Variants in CHD6 observed in about 807,000 individuals in gnomAD.
CHD6 encodes ATP-dependent chromatin remodeler CHD6.
CHD6 carries 50 observed loss-of-function variants against 276.9 expected under a neutral mutation model. The ratio of observed to expected loss-of-function variants is 0.18; its 90% CI spans 0.14 to 0.23. CHD6 has a LOEUF of 0.23. CHD6 is among the 10% of genes least tolerant of loss of function. CHD6 has a pLI of 1.00. For synonymous variants in CHD6, 1,173 were observed against 1,229.3 expected (o/e 0.95, Z 0.96); for missense variants, 2,564 against 3,365.8 (o/e 0.76, Z 5.89).
At chr20:41,606,547 C>A (rs1363115328) in intron 1 of CHD6, among the ~76,000 whole-genome samples, 1 of 150,216 alleles carries the variant, frequency 6.7e-6, no homozygotes, top group Non-Finnish European at 1.5e-5. Context: ...TGGTGGCAGG[C>A]GCCTGTAATC....
chr20:41,547,836 C>G, intron 2 of CHD6: 1 of 451,582 alleles, frequency 2.2e-6, no homozygotes. Context: ...TGACTACTGC[C>G]CAGTCTGTGT....
At position 41,417,227 on chromosome 20, in the gene CHD6, T is replaced by G. The variant is rs2047027412; in HGVS notation, c.6250A>C (p.Thr2084Pro). 1 of 1,612,886 alleles carries G rather than the reference T, an allele frequency of 6.2e-7. No individual in the cohort carries two copies. Among genetic ancestry groups the G allele is most frequent in the African/African-American group, 1.3e-5 (1 of 74,668 alleles). ...PTIAQLLQEK[T>P]LYSFSEWPKD... ...GGCCACTCAGAGAAGGAATAGAGAG[T>G]TTTCTCCTGTAGCAGCTGAGCAATA... is the stretch of plus-strand genomic sequence containing the variant. Residue 2084 changes from threonine to proline, a missense_variant, in exon 32 of 37, where the codon ACT becomes CCT. Thr to Pro is a conservative substitution (Grantham distance 38). Around this residue, in one of 7 missense-constraint regions of CHD6, gnomAD observed 1,024 missense variants for 1,047.9 expected, o/e 0.98. Coordinates refer to ENST00000373233, the MANE Select transcript of CHD6 (RefSeq NM_032221.5).
At chr20:41,572,979 G>A (rs535198483) in intron 1 of CHD6, among the ~76,000 whole-genome samples, 7 of 151,896 alleles carry the variant, frequency 4.6e-5, no homozygotes, top group African/African-American at 1.2e-4. Flanking sequence ...GCACGATCTC[G>A]GCTCACTGCA....
At chr20:41,428,804 T>C (rs1321510601) in intron 27 of CHD6, among the ~76,000 whole-genome samples, 6 of 152,178 alleles carry the variant, frequency 3.9e-5, no homozygotes, top group African/African-American at 1.4e-4. Flanking sequence ...GCTGTATGGC[T>C]TTTTTGCAGC....
At chr20:41,582,643 C>T (rs187374550) in intron 1 of CHD6, among the ~76,000 whole-genome samples, 1 of 152,112 alleles carries the variant, frequency 6.6e-6, no homozygotes, top group East Asian at 1.9e-4. Context: ...AAAAGACAAA[C>T]CAAACAAGAG....
Position 41,493,689 on chromosome 20 carries a change from A to T in CHD6, c.1180-17T>A, listed in dbSNP as rs182385571. Reference sequence around the variant, plus strand: ...TGTTACCTCCTGGTGGGAAAACAGGAAAGAAACTTAATGTTCTATTAGGTT... The same window carrying T: ...TGTTACCTCCTGGTGGGAAAACAGGTAAGAAACTTAATGTTCTATTAGGTT... On this transcript the variant is annotated splice_polypyrimidine_tract_variant and intron_variant, in intron 9 of 36. Coordinates refer to ENST00000373233, the MANE Select transcript of CHD6 (RefSeq NM_032221.5). 6.2e-7 allele frequency: 1 copy of T among 1,612,868 alleles called. No homozygotes were observed. Among genetic ancestry groups the T allele is most frequent in the South Asian group, 1.1e-5 (1 of 90,860 alleles).
At chr20:41,494,685 C>A (rs956085350) in intron 8 of CHD6, among the ~76,000 whole-genome samples, 1 of 152,106 alleles carries the variant, frequency 6.6e-6, no homozygotes, top group Admixed American at 6.5e-5. Context: ...AAGCTGAAGC[C>A]CTCCTCCAGG....
intron 1 of CHD6, among the ~76,000 whole-genome samples, chr20:41,570,366 T>G (rs2045403655): frequency 6.6e-6 from 1 of 151,970 alleles, no homozygotes; most frequent in African/African-American, 2.4e-5. Flanking sequence ...ATAATAACAC[T>G]CAGAGGGCCA....
At chr20:41,447,465 G>A (rs374285982) in intron 24 of CHD6, among the ~76,000 whole-genome samples, 5 of 151,998 alleles carry the variant, frequency 3.3e-5, no homozygotes, top group South Asian at 4.2e-4. Flanking sequence ...TGAATAGGCC[G>A]CACATATTAT....
intron 8 of CHD6, among the ~76,000 whole-genome samples, chr20:41,495,366 C>A (rs530382085): frequency 1.3e-5 from 2 of 152,212 alleles, no homozygotes; most frequent in African/African-American, 4.8e-5. Flanking sequence ...CACACAAAGA[C>A]AAATATTGTA....
At chr20:41,425,954 G>C (rs2047349579) in intron 28 of CHD6, 139 bp downstream of exon 28, 3 of 729,086 alleles carry the variant, frequency 4.1e-6, no homozygotes, top group Middle Eastern at 2.5e-4. Context: ...TGACTCTAGG[G>C]GAGTTTGATG....
intron 34 of CHD6, chr20:41,414,217 A>G (rs754766943): frequency 1.3e-5 from 2 of 152,240 alleles, no homozygotes; most frequent in Admixed American, 6.5e-5. Flanking sequence ...AACCCAAGCA[A>G]TATGGCTTAG....
At chr20:41,593,725 G>GT (rs1196326662) in intron 1 of CHD6, among the ~76,000 whole-genome samples, 1 of 152,162 alleles carries the variant, frequency 6.6e-6, no homozygotes, top group Non-Finnish European at 1.5e-5. Flanking sequence ...GGCCATTACT[G>GT]TGACTTCTAA....
chr20:41,518,466 A>T (rs557290264), intron 3 of CHD6, among the ~76,000 whole-genome samples: 8 of 152,302 alleles, frequency 5.3e-5, no homozygotes, highest in Admixed American at 3.3e-4. Context: ...GGAGGGGGGA[A>T]TCATGGTGAA....
intron 8 of CHD6, chr20:41,497,158 C>A: frequency 2.0e-6 from 1 of 496,612 alleles, no homozygotes; most frequent in South Asian, 2.2e-5. Context: ...GACCAAGATG[C>A]ACGCCGTTAT....
chr20:41,467,316 A>G (rs1014139167), intron 17 of CHD6, among the ~76,000 whole-genome samples: 2 of 152,100 alleles, frequency 1.3e-5, no homozygotes, highest in Non-Finnish European at 1.5e-5. Context: ...ATAGAGAAAG[A>G]AACATTCAGA....
chr20:41,484,650 G>A lies in CHD6; in HGVS notation c.2002-43C>T, dbSNP rs1401278993. 6 of 1,606,692 alleles carry A rather than the reference G, an allele frequency of 3.7e-6. No homozygotes were observed. The African/African-American group carries it at 5.4e-5, about 14-fold the overall frequency. On this transcript the variant is annotated intron_variant, in intron 14 of 36. Coordinates refer to ENST00000373233, the MANE Select transcript of CHD6 (RefSeq NM_032221.5). ...ACCTAGTTACCTGCCTCAATCCCAA[G>A]TTAACGATTACTGGGGTATTCCAAC... is the stretch of plus-strand genomic sequence containing the variant.
In CHD6 at chr20:41,484,472, C is replaced by T; in HGVS notation, c.2137G>A (p.Ala713Thr). Residue 713 changes from alanine to threonine, a missense_variant, in exon 15 of 37, where the codon GCC (alanine) becomes ACC (threonine). This residue lies in a region of CHD6 where 457 missense variants were observed against 889.0 expected (regional missense o/e 0.51). Coordinates refer to ENST00000373233, the MANE Select transcript of CHD6 (RefSeq NM_032221.5). ...AAGGAAAAGTTCTTCTCGAGGATGGCACGGTAGTACTTTTTCTGGATATTG... is the reference window on the plus strand; with the variant it reads ...AAGGAAAAGTTCTTCTCGAGGATGGTACGGTAGTACTTTTTCTGGATATTG... ...LTNIQKKYYR[A>T]ILEKNFSFLT... 6.2e-7 allele frequency: 1 copy of T among 1,613,844 alleles called. No homozygotes were observed. The highest frequency in any genetic ancestry group is 8.5e-7 in the Non-Finnish European group (1 of 1,179,838).
Position 41,533,394 on chromosome 20 carries a change from G to T in CHD6, c.210C>A (p.Thr70=). ...GGGATGTCATTTTCCTAGGAAAAAG[G>T]GTAGCAGCTTCCTCTTCAGCAGTAT... ...DLYTAEEEAA[T]LFPRKMTSHN... is the part of the protein sequence containing the mutation. The change falls in exon 3 of 37, where the codon ACC becomes ACA. Residue 70 remains threonine, a synonymous_variant. Coordinates refer to ENST00000373233, the MANE Select transcript of CHD6 (RefSeq NM_032221.5). 1 of 1,613,992 alleles carries T rather than the reference G, an allele frequency of 6.2e-7. No individual in the cohort carries two copies. The highest frequency in any genetic ancestry group is 8.5e-7 in the Non-Finnish European group (1 of 1,180,000).
Sources: gnomAD v4.1 joint callset for allele counts (sites outside exome capture counted in the v4.1 genomes callset) on GRCh38, gnomAD v4.1.1 for gene constraint, gnomAD v4.1.1 regional missense constraint, MANE v1.5 for transcripts, NCBI Gene and HGNC (gene_info 2026-07-23, HGNC 2026-07-21) for gene names.